PKIB: variants seen among roughly 807,000 people sequenced by gnomAD.
PKIB encodes the protein PKI-beta.
PKIB carries 2 observed loss-of-function variants against 4.5 expected under a neutral mutation model. That is an observed-to-expected ratio of 0.44 (90% CI 0.18 to 1.39). The LOEUF is 1.39. PKIB is among the 40% of genes most tolerant of loss of function. PKIB has a pLI of 0.27. For synonymous variants in PKIB, 38 were observed against 36.0 expected (o/e 1.06, Z -0.20); for missense variants, 94 against 92.6 (o/e 1.02, Z -0.06).
At chr6:122,500,051 A>G (rs185181635) in intron 2 of PKIB, among the ~76,000 whole-genome samples, 5 of 152,350 alleles carry the variant, frequency 3.3e-5, no homozygotes, top group African/African-American at 1.2e-4. Flanking sequence ...GTTATAAATG[A>G]GACAGACAAA....
In PKIB at chr6:122,539,998, T is replaced by A. The variant is rs1009003353; in HGVS notation, c.-247-45923T>A. Among the ~76,000 whole-genome samples, 20 of 152,180 alleles carry A rather than the reference T, an allele frequency of 1.3e-4. 1 individual carries two copies. The highest frequency in any genetic ancestry group is 4.6e-4 in the African/African-American group (19 of 41,458). On this transcript the variant is annotated intron_variant, in intron 2 of 6. Transcript: ENST00000392491. ...GTGTTGTAGTATTCTCTGATGGTAG[T>A]TTGTATTTCTATGGGATCGGTGGTG... is the stretch of plus-strand genomic sequence containing the variant.
intron 3 of PKIB, among the ~76,000 whole-genome samples, chr6:122,681,611 C>G (rs868455135): frequency 6.6e-6 from 1 of 151,838 alleles, no homozygotes; most frequent in Non-Finnish European, 1.5e-5. Flanking sequence ...TTTGGATTAA[C>G]CAATTAAGAA....
At chr6:122,528,136 C>G (rs1370149125) in intron 2 of PKIB, among the ~76,000 whole-genome samples, 2 of 152,128 alleles carry the variant, frequency 1.3e-5, no homozygotes, top group African/African-American at 4.8e-5. Flanking sequence ...CCTTCTTAGT[C>G]TCTTATAACA....
chr6:122,576,689 A>AAAATATAT (rs1345822382), intron 2 of PKIB, among the ~76,000 whole-genome samples: 1,268 of 34,190 alleles, frequency 0.037, 54 homozygotes, highest in Admixed American at 0.042. Context: ...AAAAAAAAAA[A>AAAATATAT]ATATATATAT....
chr6:122,701,404 A>C, intron 3 of PKIB: 1 of 1,519,036 alleles, frequency 6.6e-7, no homozygotes, highest in Non-Finnish European at 8.9e-7. Flanking sequence ...TGAAGTACTG[A>C]CTGGTTAAGG....
At chr6:122,634,025 G>A (rs2114828074) in intron 2 of PKIB, among the ~76,000 whole-genome samples, 1 of 151,832 alleles carries the variant, frequency 6.6e-6, no homozygotes, top group East Asian at 1.9e-4. Flanking sequence ...CTACACAGTA[G>A]TGCATCCTTT....
At chr6:122,532,293 A>G (rs182396791) in intron 2 of PKIB, among the ~76,000 whole-genome samples, 29 of 152,300 alleles carry the variant, frequency 1.9e-4, no homozygotes, top group Admixed American at 1.5e-3. Flanking sequence ...TTAGTTCTCT[A>G]TCACTCTTTT....
chr6:122,703,620 T>C (rs1441071742), intron 3 of PKIB, among the ~76,000 whole-genome samples: 1 of 151,894 alleles, frequency 6.6e-6, no homozygotes, highest in Non-Finnish European at 1.5e-5. Context: ...GTGTGTGGAT[T>C]ATGCAGCTGA....
intron 3 of PKIB, among the ~76,000 whole-genome samples, chr6:122,679,391 C>A (rs1445954434): frequency 6.6e-6 from 1 of 152,068 alleles, no homozygotes; most frequent in African/African-American, 2.4e-5. Context: ...ATTGGGTGAG[C>A]TTTTCCTGAT....
At chr6:122,670,345 A>G (rs996744409) in intron 2 of PKIB, among the ~76,000 whole-genome samples, 2 of 152,160 alleles carry the variant, frequency 1.3e-5, no homozygotes, top group African/African-American at 2.4e-5. Context: ...AGTATTCCCT[A>G]CACTCGTCTT....
intron 2 of PKIB, among the ~76,000 whole-genome samples, chr6:122,648,312 C>T (rs1776405590): frequency 6.6e-6 from 1 of 152,242 alleles, no homozygotes; most frequent in Non-Finnish European, 1.5e-5. Flanking sequence ...ATGCCACTCT[C>T]ATTTTCACCC....
intron 3 of PKIB, among the ~76,000 whole-genome samples, chr6:122,677,683 G>A (rs1777730509): frequency 6.6e-6 from 1 of 152,114 alleles, no homozygotes; most frequent in Non-Finnish European, 1.5e-5. Flanking sequence ...TTTTGCAGAG[G>A]AGGGAATTAA....
chr6:122,636,603 A>G (rs7765860), intron 2 of PKIB, among the ~76,000 whole-genome samples: 51,218 of 151,920 alleles, frequency 0.34, 9,391 homozygotes, highest in Middle Eastern at 0.44. Flanking sequence ...GTATTCTTGG[A>G]TGAGAATAAT....
intron 3 of PKIB, among the ~76,000 whole-genome samples, chr6:122,697,518 C>T (rs2115017071): frequency 6.6e-6 from 1 of 151,996 alleles, no homozygotes; most frequent in Non-Finnish European, 1.5e-5. Context: ...TCGGGCATGT[C>T]TCCATATATA....
intron 1 of PKIB, among the ~76,000 whole-genome samples, chr6:122,622,382 C>G (rs1199567232): frequency 6.6e-6 from 1 of 152,034 alleles, no homozygotes; most frequent in Non-Finnish European, 1.5e-5. Flanking sequence ...ACAGCTACTC[C>G]AAAGATTCAA....
chr6:122,703,939 TATAGAG>T (rs1206055274), intron 3 of PKIB, among the ~76,000 whole-genome samples: 77 of 103,218 alleles, frequency 7.5e-4, no homozygotes, highest in Middle Eastern at 0.011. Context: ...TATATATATA[TATAGAG>T]AGAGAGAGAG....
chr6:122,509,423 A>G (rs866042121), intron 2 of PKIB, among the ~76,000 whole-genome samples: 1 of 150,878 alleles, frequency 6.6e-6, no homozygotes, highest in African/African-American at 2.4e-5. Flanking sequence ...GAGCCTGTCC[A>G]ATTAAAATTG....
chr6:122,706,669 A>C (rs1779067123), intron 3 of PKIB, among the ~76,000 whole-genome samples: 1 of 152,190 alleles, frequency 6.6e-6, no homozygotes, highest in Non-Finnish European at 1.5e-5. Context: ...TAAAATGAAG[A>C]CAGTAGTGAC....
intron 2 of PKIB, among the ~76,000 whole-genome samples, chr6:122,658,281 A>C (rs976350108): frequency 6.6e-6 from 1 of 152,112 alleles, no homozygotes; most frequent in Non-Finnish European, 1.5e-5. Flanking sequence ...ATGACCACTA[A>C]ATTAGTTACT....
Sources: allele counts gnomAD v4.1 joint callset (sites outside exome capture counted in the v4.1 genomes callset), GRCh38; gene constraint gnomAD v4.1.1; transcripts MANE v1.5; gene names NCBI Gene and HGNC (gene_info 2026-07-23, HGNC 2026-07-21).